The following CRBN variants were observed in gnomAD, a reference collection of about 807,000 sequenced individuals.
CRBN encodes the protein protein cereblon.
In CRBN, 53 loss-of-function variants were observed where a neutral mutation model predicts 62.2. The observed-to-expected ratio is 0.85, with a 90% CI of 0.68 to 1.07. CRBN has a LOEUF of 1.07. Ranked by LOEUF, CRBN falls within the 50% of genes least tolerant of loss-of-function variation. The pLI, the probability that CRBN is intolerant of heterozygous loss-of-function variation, is 0.00. For missense variants in CRBN, 616 were observed against 531.1 expected (o/e 1.16, Z -1.57); for synonymous variants, 208 against 176.1 (o/e 1.18, Z -1.43).
intron 9 of CRBN, chr3:3,153,193 T>C (rs1032237458): frequency 1.3e-5 from 6 of 468,088 alleles, no homozygotes; most frequent in African/African-American, 3.9e-5. Flanking sequence ...AATTTCTCAG[T>C]TGTTTTACTT....
At chr3:3,161,343 A>G (rs983667990) in intron 5 of CRBN, among the ~76,000 whole-genome samples, 36 of 152,216 alleles carry the variant, frequency 2.4e-4, no homozygotes, top group African/African-American at 8.0e-4. Context: ...GAGAAATTCA[A>G]ATTGAACCTT....
At chr3:3,153,864 T>A (rs1399729943) in intron 8 of CRBN, 96 bp downstream of exon 8, 4 of 768,776 alleles carry the variant, frequency 5.2e-6, no homozygotes, top group Admixed American at 3.8e-5. Context: ...ACTACATTAC[T>A]GGACTCTATA....
intron 4 of CRBN, chr3:3,172,485 C>A: frequency 2.4e-6 from 1 of 412,408 alleles, no homozygotes; most frequent in Non-Finnish European, 4.5e-6. Flanking sequence ...GTTCTCAAAC[C>A]TGGAGAGACA....
chr3:3,171,111 T>G (rs1351218475), intron 4 of CRBN, among the ~76,000 whole-genome samples: 1 of 152,220 alleles, frequency 6.6e-6, no homozygotes, highest in East Asian at 1.9e-4. Flanking sequence ...GGCCTGATGT[T>G]AATCTTTACT....
chr3:3,163,636 G>A (rs1357126247), intron 5 of CRBN, among the ~76,000 whole-genome samples: 1 of 152,178 alleles, frequency 6.6e-6, no homozygotes, highest in African/African-American at 2.4e-5. Context: ...GCTGTACAGA[G>A]CACTTGAGTC....
intron 5 of CRBN, among the ~76,000 whole-genome samples, chr3:3,164,694 G>A (rs960016297): frequency 6.6e-6 from 1 of 152,156 alleles, no homozygotes; most frequent in Admixed American, 6.5e-5. Context: ...AATTATTACT[G>A]CTCATTGACA....
intron 6 of CRBN, chr3:3,155,064 A>G: frequency 3.6e-6 from 2 of 551,756 alleles, no homozygotes; most frequent in Non-Finnish European, 6.5e-6. Context: ...CCAGCGGTAT[A>G]TGCTCCCAAC....
intron 4 of CRBN, chr3:3,172,568 G>A (rs1707662204): frequency 1.7e-6 from 1 of 589,366 alleles, no homozygotes; most frequent in Non-Finnish European, 3.0e-6. Flanking sequence ...AGATGAGGTT[G>A]GAACTCAAGC....
intron 4 of CRBN, among the ~76,000 whole-genome samples, chr3:3,170,945 A>G (rs1707582497): frequency 6.6e-6 from 1 of 152,044 alleles, no homozygotes; most frequent in Non-Finnish European, 1.5e-5. Flanking sequence ...AGCTGGGATT[A>G]CAGTCATGCG....
chr3:3,152,633 TAATTTTATTAAATGCTTAG>T, intron 9 of CRBN, 46 bp from the exon 10 acceptor site: 1 of 1,610,082 alleles, frequency 6.2e-7, no homozygotes, highest in Non-Finnish European at 8.5e-7. Flanking sequence ...ACGAGAAGTC[TAATTTTATTAAATGCTTAG>T]AATTTTATTG....
intron 5 of CRBN, 124 bp from the exon 6 acceptor site, chr3:3,156,405 T>G (rs1205108261): frequency 4.9e-6 from 4 of 809,322 alleles, no homozygotes; most frequent in Admixed American, 2.3e-5. Context: ...AGATAAAAAA[T>G]TTTGTAGATA....
chr3:3,163,934 C>T (rs1032810035), intron 5 of CRBN, among the ~76,000 whole-genome samples: 14 of 152,160 alleles, frequency 9.2e-5, no homozygotes, highest in African/African-American at 3.4e-4. Flanking sequence ...TTTGGTAATT[C>T]TCACAATATT....
At chr3:3,152,067 TCTTC>T (rs1706596872) in intron 10 of CRBN, among the ~76,000 whole-genome samples, 1 of 152,220 alleles carries the variant, frequency 6.6e-6, no homozygotes, top group Non-Finnish European at 1.5e-5. Context: ...GTCAACCTTT[TCTTC>T]CTTTCATTCA....
In CRBN at chr3:3,167,621, A is replaced by G; in HGVS notation, c.687+13T>C. 1 of 1,611,520 alleles carries G rather than the reference A, an allele frequency of 6.2e-7. No homozygotes were observed. Among genetic ancestry groups the G allele is most frequent in the Non-Finnish European group, 8.5e-7 (1 of 1,178,316 alleles). ...TTCATTTTTTGAAGATGCATAAAAAATTAGTTTCTCACCTTCTGGTATTTC... is the reference window on the plus strand; with the variant it reads ...TTCATTTTTTGAAGATGCATAAAAAGTTAGTTTCTCACCTTCTGGTATTTC... On this transcript the variant is annotated intron_variant, in intron 5 of 10. Transcript: ENST00000231948.
intron 5 of CRBN, among the ~76,000 whole-genome samples, chr3:3,164,864 A>T (rs1242792187): frequency 2.0e-5 from 3 of 152,238 alleles, no homozygotes; most frequent in Non-Finnish European, 4.4e-5. Context: ...CATAGGCTAT[A>T]GCTGCCACAG....
In CRBN at chr3:3,174,064, T is replaced by G; in HGVS notation, c.372A>C (p.Ala124=). Residue 124 remains alanine, a synonymous_variant, in exon 3 of 11, where the codon GCA becomes GCC. Transcript: ENST00000231948. ...IQKDRTFAVL[A]YSNVQEREAQ... is the part of the protein sequence containing the mutation. ...AATGGACTCTAATATTTTACCTGTA[T>G]GCAAGAACAGCAAAGGTTCTATCTT... 6.2e-7 allele frequency: 1 copy of G among 1,613,698 alleles called. No homozygotes were observed. The highest frequency in any genetic ancestry group is 8.5e-7 in the Non-Finnish European group (1 of 1,179,582).
In CRBN at chr3:3,150,259, G is replaced by C. The variant is rs914482788; in HGVS notation, c.*606C>G. The C allele has an allele frequency of 1.3e-5, 2 of 152,498 alleles. No individual in the cohort carries two copies. The highest frequency in any genetic ancestry group is 2.9e-5 in the Non-Finnish European group (2 of 68,368). The allele number at this position is 152,498 out of a possible 1,614,324, so 9.4% of individuals were successfully genotyped here. Reference sequence around the variant, plus strand: ...TTACTAACAGGCACATAAAGGAAATGACAACTATTCGTGGGCTCAAAAAAC... The same window carrying C: ...TTACTAACAGGCACATAAAGGAAATCACAACTATTCGTGGGCTCAAAAAAC... On this transcript the variant is annotated 3_prime_UTR_variant, in exon 11 of 11. Coordinates refer to ENST00000231948, the MANE Select transcript of CRBN (RefSeq NM_016302.4).
chr3:3,167,574 A>G, intron 5 of CRBN, 60 bp downstream of exon 5: 1 of 1,509,486 alleles, frequency 6.6e-7, no homozygotes, highest in Non-Finnish European at 9.2e-7. Flanking sequence ...CTTTCTTAAA[A>G]CAGGAAAAAA....
chr3:3,172,411 G>A (rs1408085233), intron 4 of CRBN: 2 of 282,698 alleles, frequency 7.1e-6, no homozygotes, highest in Non-Finnish European at 1.4e-5. Flanking sequence ...CTTATGCTCC[G>A]AGAGGCCTTC....
Sources: allele counts gnomAD v4.1 joint callset (sites outside exome capture counted in the v4.1 genomes callset), GRCh38; gene constraint gnomAD v4.1.1; transcripts MANE v1.5; gene names NCBI Gene and HGNC (gene_info 2026-07-23, HGNC 2026-07-21).